Variants in LANCL1 observed in about 807,000 individuals in gnomAD.
The protein encoded by LANCL1 is LanC like glutathione S-transferase 1.
In LANCL1, 50 loss-of-function variants were observed where a neutral mutation model predicts 50.6. The ratio of observed to expected loss-of-function variants is 0.99; its 90% CI spans 0.79 to 1.25. LANCL1 has a LOEUF of 1.25. Ranked by LOEUF, LANCL1 falls within the 50% of genes most tolerant of loss-of-function variation. LANCL1 has a pLI of 0.00. For synonymous variants in LANCL1, 188 were observed against 178.6 expected (o/e 1.05, Z -0.42); for missense variants, 532 against 480.7 (o/e 1.11, Z -1.00).
intron 3 of LANCL1, chr2:210,469,372 T>C (rs1244700826): frequency 6.6e-6 from 1 of 152,208 alleles, no homozygotes; most frequent in Non-Finnish European, 1.5e-5. Flanking sequence ...GTCTAAACAC[T>C]GGCGCAAGGT....
intron 4 of LANCL1, among the ~76,000 whole-genome samples, chr2:210,454,276 G>T (rs1227448053): frequency 1.3e-5 from 2 of 150,494 alleles, no homozygotes; most frequent in Non-Finnish European, 3.0e-5. Flanking sequence ...AAACAATAGG[G>T]GTATAAATCA....
intron 7 of LANCL1, 135 bp downstream of exon 7, chr2:210,437,555 A>T: frequency 1.9e-6 from 1 of 516,394 alleles, no homozygotes; most frequent in Non-Finnish European, 3.3e-6. Context: ...AATGAATTAT[A>T]ATTCATTTAG....
intron 7 of LANCL1, 131 bp from the exon 8 acceptor site, chr2:210,436,523 G>GGA (rs532712493): frequency 1.2e-5 from 10 of 838,324 alleles, no homozygotes; most frequent in Non-Finnish European, 1.9e-5. Flanking sequence ...AGTGACAGAG[G>GGA]GATGTGTTAT....
At chr2:210,460,855 AAC>A (rs1387324156) in intron 3 of LANCL1, 1 of 152,234 alleles carries the variant, frequency 6.6e-6, no homozygotes, top group Non-Finnish European at 1.5e-5. Context: ...AAATGAGTAA[AAC>A]AGAGAATAAA....
At chr2:210,473,698 A>T (rs938639809) in intron 2 of LANCL1, among the ~76,000 whole-genome samples, 2 of 152,250 alleles carry the variant, frequency 1.3e-5, no homozygotes, top group African/African-American at 4.8e-5. Context: ...TCGGAGGAGC[A>T]TCCTTGATAA....
chr2:210,440,819 G>C (rs775715469), intron 5 of LANCL1, 75 bp from the exon 6 acceptor site: 79 of 1,375,908 alleles, frequency 5.7e-5, no homozygotes, highest in Non-Finnish European at 7.7e-5. Flanking sequence ...AGACTTTTTT[G>C]CTAAGAGGTA....
Position 210,432,644 on chromosome 2 carries a change from T to C in LANCL1, c.*1843A>G, listed in dbSNP as rs1692786927. 6.6e-6 allele frequency: 1 copy of C among 152,186 alleles called. No individual in the cohort carries two copies. Among genetic ancestry groups the C allele is most frequent in the Non-Finnish European group, 1.5e-5 (1 of 68,038 alleles). 9.4% of individuals were successfully genotyped at this position (152,186 alleles called of 1,614,324 possible). On this transcript the variant is annotated 3_prime_UTR_variant, in exon 10 of 10. Transcript: ENST00000450366. ...TTGCTTAGTAACGCAGCTAAAAGCA[T>C]AGGCACAGTAGAGTAAGACATTTAA...
chr2:210,436,406 G>T lies in LANCL1; in HGVS notation c.874-14C>A, dbSNP rs979007067. ...CTCTCTGAATACCTGCAGAGGCAAA[G>T]GACACATTTTATTATACGGGATATA... On this transcript the variant is annotated splice_polypyrimidine_tract_variant and intron_variant, in intron 7 of 9. Coordinates refer to ENST00000450366, the MANE Select transcript of LANCL1 (RefSeq NM_006055.3). 10 of 1,611,496 alleles carry T rather than the reference G, an allele frequency of 6.2e-6. No individual in the cohort carries two copies. In the African/African-American group the frequency reaches 6.7e-5, roughly 11 times the overall value.
chr2:210,464,057 A>G (rs1262003418), intron 3 of LANCL1, among the ~76,000 whole-genome samples: 3 of 152,234 alleles, frequency 2.0e-5, no homozygotes, highest in African/African-American at 7.2e-5. Context: ...AAGTAAGTGT[A>G]AAGTACTTTC....
chr2:210,462,515 A>G (rs1387244219), intron 3 of LANCL1, among the ~76,000 whole-genome samples: 2 of 152,234 alleles, frequency 1.3e-5, no homozygotes, highest in African/African-American at 4.8e-5. Context: ...GGAGCTACCA[A>G]TTGATTTCAG....
chr2:210,436,470 A>G, intron 7 of LANCL1, 78 bp from the exon 8 acceptor site: 3 of 1,381,908 alleles, frequency 2.2e-6, no homozygotes, highest in Non-Finnish European at 3.0e-6. Flanking sequence ...GATAGATAAG[A>G]AGGAAAGAGG....
At chr2:210,465,862 GA>G (rs1003219263) in intron 3 of LANCL1, among the ~76,000 whole-genome samples, 2 of 152,144 alleles carry the variant, frequency 1.3e-5, no homozygotes, top group Admixed American at 6.5e-5. Context: ...TCTGGGGGGG[GA>G]AAAGCCACAA....
At chr2:210,448,665 A>G (rs1291007888) in intron 4 of LANCL1, among the ~76,000 whole-genome samples, 3 of 152,142 alleles carry the variant, frequency 2.0e-5, no homozygotes, top group Non-Finnish European at 2.9e-5. Flanking sequence ...AAAATGATAA[A>G]TGGGGATATC....
At position 210,433,220 on chromosome 2, in the gene LANCL1, G is replaced by A. The variant is rs901026836; in HGVS notation, c.*1267C>T. On this transcript the variant is annotated 3_prime_UTR_variant, in exon 10 of 10. Coordinates refer to ENST00000450366, the MANE Select transcript of LANCL1 (RefSeq NM_006055.3). The stretch of plus-strand genomic sequence containing the variant: ...TAATAGAAAGAGTAGAAGCTGATGA[G>A]TCAAAACACTTGAACAGAATTTGAA... 1 of 152,548 alleles carries A rather than the reference G, an allele frequency of 6.6e-6. No individual in the cohort carries two copies. The highest frequency in any genetic ancestry group is 2.4e-5 in the African/African-American group (1 of 41,438). The allele number at this position is 152,548 out of a possible 1,614,324, so 9.4% of individuals were successfully genotyped here. A position where few individuals can be genotyped will look rare whatever the true frequency, so the allele number is the denominator to read the frequency against.
chr2:210,437,365 AC>A (rs1342079069), intron 7 of LANCL1, among the ~76,000 whole-genome samples: 1 of 152,158 alleles, frequency 6.6e-6, no homozygotes, highest in Admixed American at 6.5e-5. Context: ...GATTATTTTC[AC>A]CTGTGGCAAT....
At chr2:210,441,555 C>A (rs1263702292) in intron 4 of LANCL1, 112 bp from the exon 5 acceptor site, 25 of 793,258 alleles carry the variant, frequency 3.2e-5, no homozygotes, top group Non-Finnish European at 4.9e-5. Flanking sequence ...TGTATTTATA[C>A]ATATATAATA....
chr2:210,466,706 T>C (rs932576232), intron 3 of LANCL1, among the ~76,000 whole-genome samples: 10 of 152,186 alleles, frequency 6.6e-5, no homozygotes, highest in Admixed American at 1.3e-4. Context: ...TTTCAGCTAC[T>C]TCAGCATTTG....
In LANCL1 at chr2:210,435,386, C is replaced by A. The variant is rs1318599889; in HGVS notation, c.1123+1G>T. 6.2e-7 allele frequency: 1 copy of A among 1,606,866 alleles called. No individual in the cohort carries two copies. Among genetic ancestry groups the A allele is most frequent in the East Asian group, 2.2e-5 (1 of 44,806 alleles). ...GCAAATAAATAAAGTGTACAAAATA[C>A]CTTCAAAGAGAGAGAAAGGGGTGTC... On this transcript the variant is annotated splice_donor_variant, in intron 9 of 9. Coordinates refer to ENST00000450366, the MANE Select transcript of LANCL1 (RefSeq NM_006055.3). LOFTEE classifies it high-confidence loss of function.
rs1202473002 is a variant in LANCL1, at chr2:210,432,671, T to G, written c.*1816A>C. The G allele has an allele frequency of 1.3e-5, 2 of 152,208 alleles. No homozygotes were observed. The highest frequency in any genetic ancestry group is 1.3e-4 in the Admixed American group (2 of 15,278). The allele number at this position is 152,208 out of a possible 1,614,324, so 9.4% of individuals were successfully genotyped here. A position where few individuals can be genotyped will look rare whatever the true frequency, so the allele number is the denominator to read the frequency against. ...GGCACAGTAGAGTAAGACATTTAAC[T>G]AAACCAAATGAGCTTTATTCTTTCA... is the stretch of plus-strand genomic sequence containing the variant. On this transcript the variant is annotated 3_prime_UTR_variant, in exon 10 of 10. Transcript: ENST00000450366.
Sources: gnomAD v4.1 joint callset for allele counts (sites outside exome capture counted in the v4.1 genomes callset) on GRCh38, gnomAD v4.1.1 for gene constraint, MANE v1.5 for transcripts, NCBI Gene and HGNC (gene_info 2026-07-23, HGNC 2026-07-21) for gene names.